Variants in OTOG observed in about 807,000 individuals in gnomAD.
The protein encoded by OTOG is otogelin.
In OTOG, 296 loss-of-function variants were observed where a neutral mutation model predicts 313.8. The observed-to-expected ratio is 0.94, with a 90% CI of 0.86 to 1.04. The LOEUF (loss-of-function observed/expected upper bound fraction) is 1.04, where lower values mean the gene tolerates loss of function less well. Among genes scored for constraint, OTOG ranks in the 50% least tolerant of loss-of-function variants. The pLI is 0.00. For synonymous variants in OTOG, 1,533 were observed against 1,554.9 expected (o/e 0.99, Z 0.33); for missense variants, 3,948 against 3,840.1 (o/e 1.03, Z -0.74).
chr11:17,613,742 G>C (rs1018673787), intron 39 of OTOG, 41 bp downstream of exon 39: 8 of 1,509,256 alleles, frequency 5.3e-6, no homozygotes, highest in Non-Finnish European at 6.3e-6. Context: ...CAGGGCCACA[G>C]TCAGCTGAGG....
chr11:17,571,194 G>A (rs575457235), intron 17 of OTOG, among the ~76,000 whole-genome samples: 47 of 152,318 alleles, frequency 3.1e-4, no homozygotes, highest in African/African-American at 1.0e-3. Context: ...TTAAAACTGT[G>A]GCATTCTACT....
intron 36 of OTOG, 102 bp from the exon 37 acceptor site, chr11:17,612,060 C>T (rs1025618388): frequency 9.4e-6 from 13 of 1,386,702 alleles, no homozygotes; most frequent in Non-Finnish European, 1.2e-5. Context: ...GTCCCCTGCC[C>T]CGCTAGGACC....
chr11:17,559,548 GAGA>G lies in OTOG; in HGVS notation c.1231_1233del (p.Lys411del). 1 of 1,550,608 alleles carries G rather than the reference GAGA, an allele frequency of 6.4e-7. No homozygotes were observed. The highest frequency in any genetic ancestry group is 8.7e-7 in the Non-Finnish European group (1 of 1,147,018). On this transcript the variant is annotated inframe_deletion, in exon 12 of 56. Transcript: ENST00000399397. The stretch of plus-strand genomic sequence containing the variant: ...TCCTTCCCAAGCTGTGCACTGCAAG[GAGA>G]AGGCCTTTACCTACAATGAGTGCAT...
At chr11:17,613,328 C>T (rs1240059528) in intron 38 of OTOG, among the ~76,000 whole-genome samples, 1 of 20,806 alleles carries the variant, frequency 4.8e-5, no homozygotes, top group Non-Finnish European at 8.9e-5. Flanking sequence ...TCTGCCCTGC[C>T]CTTCCTTCCT....
rs761616496 is a variant in OTOG at position 17,593,287 on chromosome 11, G to A, written c.3101G>A (p.Gly1034Glu). ...ICRKFISINV[G>E]NSLIVFDDDS... is the part of the protein sequence containing the mutation. Reference sequence around the variant, plus strand: ...AGGAAATTTATTTCCATCAACGTTGGGAACTCACTCATTGTCTTTGATGAT... The same window carrying A: ...AGGAAATTTATTTCCATCAACGTTGAGAACTCACTCATTGTCTTTGATGAT... The change falls in exon 26 of 56, where the codon GGG (glycine) becomes GAG (glutamate). Residue 1034 changes from glycine to glutamate, a missense_variant. Gly to Glu is a moderately conservative substitution (Grantham distance 98). Transcript: ENST00000399397. 2.5e-5 allele frequency: 38 copies of A among 1,550,430 alleles called. No homozygotes were observed. The highest frequency in any genetic ancestry group is 3.1e-5 in the Non-Finnish European group (36 of 1,146,968).
In OTOG at chr11:17,553,393, C is replaced by A; in HGVS notation, c.414C>A (p.Ser138Arg). Reference protein sequence around the residue: ...MVYNAGPERDSICRAWGQHHV... With the variant: ...MVYNAGPERDRICRAWGQHHV... ...ACAATGCCGGCCCTGAGAGGGACAG[C>A]ATTTGCCGGGCGTGGGGGCAGCACC... is the stretch of plus-strand genomic sequence containing the variant. Residue 138 changes from serine to arginine, a missense_variant, in exon 6 of 56, where the codon AGC (serine) becomes AGA (arginine). Ser to Arg is a moderately radical substitution (Grantham distance 110). Coordinates refer to ENST00000399397, the MANE Select transcript of OTOG (RefSeq NM_001292063.2). The A allele has an allele frequency of 6.8e-7, 1 of 1,464,382 alleles. No individual in the cohort carries two copies. The highest frequency in any genetic ancestry group is 9.0e-7 in the Non-Finnish European group (1 of 1,105,024). 90.7% of individuals were successfully genotyped at this position (1,464,382 alleles called of 1,614,324 possible).
Position 17,547,937 on chromosome 11 carries a change from C to T in OTOG, c.105C>T (p.Pro35=), listed in dbSNP as rs532526172. ...AATCCCCCTCCCCAGCCGCAGCACCCGTTCTGTGGGGCAGTGCAGAGCCAC... is the reference window on the plus strand; with the variant it reads ...AATCCCCCTCCCCAGCCGCAGCACCTGTTCTGTGGGGCAGTGCAGAGCCAC... The part of the protein sequence containing the change: ...SLRVQRLAAA[P]VLWGSAEPQP... The change falls in exon 2 of 56, where the codon CCC becomes CCT. Residue 35 remains proline, a synonymous_variant. Coordinates refer to ENST00000399397, the MANE Select transcript of OTOG (RefSeq NM_001292063.2). 29 of 466,598 alleles carry T rather than the reference C, an allele frequency of 6.2e-5. No individual in the cohort carries two copies. Among genetic ancestry groups the T allele is most frequent in the Middle Eastern group, 5.5e-4 (1 of 1,822 alleles). 28.9% of individuals were successfully genotyped at this position (466,598 alleles called of 1,614,324 possible). A position where few individuals can be genotyped will look rare whatever the true frequency, so the allele number is the denominator to read the frequency against.
intron 39 of OTOG, among the ~76,000 whole-genome samples, chr11:17,622,028 T>C (rs1397339975): frequency 1.3e-5 from 2 of 152,100 alleles, no homozygotes; most frequent in African/African-American, 4.8e-5. Flanking sequence ...GGTATGTATG[T>C]TTACTCCCAG....
chr11:17,643,481 T>C lies in OTOG; in HGVS notation c.8436T>C (p.Pro2812=). Reference sequence around the variant, plus strand: ...TCTAGGTTGGGGGTTCCGTGGTACCTTCCTTGGAAGGATGCTGCAGGACCT... The same window carrying C: ...TCTAGGTTGGGGGTTCCGTGGTACCCTCCTTGGAAGGATGCTGCAGGACCT... The part of the protein sequence containing the change: ...ECAKVGGSVV[P]SLEGCCRTCK... Residue 2812 remains proline, a synonymous_variant, in exon 54 of 56, where the codon CCT becomes CCC. Coordinates refer to ENST00000399397, the MANE Select transcript of OTOG (RefSeq NM_001292063.2). 1 of 1,461,908 alleles carries C rather than the reference T, an allele frequency of 6.8e-7. No individual in the cohort carries two copies. 90.6% of individuals were successfully genotyped at this position (1,461,908 alleles called of 1,614,324 possible). A position where few individuals can be genotyped will look rare whatever the true frequency, so the allele number is the denominator to read the frequency against.
intron 23 of OTOG, among the ~76,000 whole-genome samples, chr11:17,582,748 G>A (rs931353453): frequency 3.3e-5 from 5 of 152,174 alleles, no homozygotes; most frequent in East Asian, 3.9e-4. Flanking sequence ...TTGGCCATTC[G>A]TGTATCTTTC....
intron 23 of OTOG, among the ~76,000 whole-genome samples, chr11:17,579,156 A>G (rs7118838): frequency 0.054 from 8,199 of 152,170 alleles, 303 homozygotes; most frequent in African/African-American, 0.098. Flanking sequence ...CTGGGCTGAG[A>G]AGACAGCTGG....
chr11:17,590,782 T>TC (rs766849172), intron 24 of OTOG, among the ~76,000 whole-genome samples: 2 of 152,196 alleles, frequency 1.3e-5, no homozygotes, highest in African/African-American at 4.8e-5. Flanking sequence ...TCCCGAGTGT[T>TC]CCCCACAGAC....
At chr11:17,629,478 G>T (rs1854064795) in intron 40 of OTOG, among the ~76,000 whole-genome samples, 162 bp downstream of exon 40, 2 of 152,166 alleles carry the variant, frequency 1.3e-5, no homozygotes, top group South Asian at 4.1e-4. Context: ...TTGTGTCCTG[G>T]GGCCAAAGCT....
At chr11:17,633,654 G>A (rs1206580835) in intron 42 of OTOG, 26 bp from the exon 43 acceptor site, 30 of 1,500,380 alleles carry the variant, frequency 2.0e-5, no homozygotes, top group Non-Finnish European at 2.7e-5. Context: ...TCTGAGGTAG[G>A]CCTGGTGCCC....
At chr11:17,558,068 G>T in intron 8 of OTOG, 117 bp from the exon 9 acceptor site, 1 of 1,280,166 alleles carries the variant, frequency 7.8e-7, no homozygotes, top group Non-Finnish European at 1.1e-6. Flanking sequence ...TCAGGAGACC[G>T]GATTCTTCAA....
chr11:17,548,119 C>A lies in OTOG; in HGVS notation c.156-33C>A, dbSNP rs1851849480. 1.9e-6 allele frequency: 3 copies of A among 1,538,600 alleles called. No individual in the cohort carries two copies. In the East Asian group the frequency reaches 7.4e-5, roughly 38 times the overall value. On this transcript the variant is annotated intron_variant, in intron 2 of 55. Coordinates refer to ENST00000399397, the MANE Select transcript of OTOG (RefSeq NM_001292063.2). ...GCGGGGAGGCATAACCCATCCTAGC[C>A]CCCCATCCATGCCAGACTCGTGTTT... is the stretch of plus-strand genomic sequence containing the variant.
At chr11:17,574,125 A>G (rs1852463873) in intron 19 of OTOG, among the ~76,000 whole-genome samples, 2 of 152,176 alleles carry the variant, frequency 1.3e-5, no homozygotes, top group South Asian at 2.1e-4. Flanking sequence ...GAACAGCTGA[A>G]CTGGATGGTC....
Position 17,607,239 on chromosome 11 carries a change from A to G in OTOG, c.4157-1057A>G, listed in dbSNP as rs150945067. 2.4e-3 allele frequency among the ~76,000 whole-genome samples: 359 copies of G among 152,366 alleles called. 1 individual carries two copies. The highest frequency in any genetic ancestry group is 8.0e-3 in the African/African-American group (333 of 41,586). On this transcript the variant is annotated intron_variant, in intron 33 of 55. Coordinates refer to ENST00000399397, the MANE Select transcript of OTOG (RefSeq NM_001292063.2). ...AGCAGGTTTCTTTACAGCTGGCAGCAGTGTTCAGGTTAGGGCGTCTGGAGG... is the reference window on the plus strand; with the variant it reads ...AGCAGGTTTCTTTACAGCTGGCAGCGGTGTTCAGGTTAGGGCGTCTGGAGG...
At chr11:17,600,116 C>T (rs1853212822) in intron 31 of OTOG, among the ~76,000 whole-genome samples, 1 of 152,238 alleles carries the variant, frequency 6.6e-6, no homozygotes, top group African/African-American at 2.4e-5. Context: ...ATGGGTGGAA[C>T]AAAACATGTG....
Sources: gnomAD v4.1 joint callset for allele counts (sites outside exome capture counted in the v4.1 genomes callset) on GRCh38, gnomAD v4.1.1 for gene constraint, MANE v1.5 for transcripts, NCBI Gene and HGNC (gene_info 2026-07-23, HGNC 2026-07-21) for gene names.